The following IQCH variants were observed in gnomAD, a reference collection of about 807,000 sequenced individuals.
IQCH encodes the protein IQ motif containing H, also known as IQ domain-containing protein H.
In IQCH, 98 loss-of-function variants were observed where a neutral mutation model predicts 117.0. The ratio of observed to expected loss-of-function variants is 0.84; its 90% CI spans 0.71 to 0.99. The LOEUF (loss-of-function observed/expected upper bound fraction) is 0.99. Among genes scored for constraint, IQCH ranks in the 50% least tolerant of loss-of-function variants. The probability of loss-of-function intolerance (pLI) is 0.00; values close to 1 mark genes in which losing one functional copy is unlikely to be tolerated. For missense variants in IQCH, 1,102 were observed against 1,243.8 expected, an observed-to-expected ratio of 0.89 and a Z score of 1.72; for synonymous variants, 412 against 448.2, an observed-to-expected ratio of 0.92 and a Z score of 1.02.
chr15:67,359,933 G>A lies in IQCH; in HGVS notation c.753+48G>A, dbSNP rs747330091. ...TGAAATTTAGGGTCTGTCACCTGAT[G>A]TCCCTTCCTTTTGCTGCAGGGCAAG... On this transcript the variant is annotated intron_variant, in intron 8 of 20. Transcript: ENST00000335894. This position sits in a 1 kb window ranked among gnomAD's most constrained non-coding sequence, Gnocchi z 4.5. The A allele has an allele frequency of 1.4e-6, 2 of 1,478,454 alleles. No individual in the cohort carries two copies. The highest frequency in any genetic ancestry group is 1.9e-6 in the Non-Finnish European group (2 of 1,056,996). 91.6% of individuals were successfully genotyped at this position (1,478,454 alleles called of 1,614,324 possible). A position where few individuals can be genotyped will look rare whatever the true frequency, so the allele number is the denominator to read the frequency against.
chr15:67,268,978 T>C (rs1373590331), intron 3 of IQCH, among the ~76,000 whole-genome samples: 1 of 150,246 alleles, frequency 6.7e-6, no homozygotes, highest in African/African-American at 2.5e-5. Context: ...GCAACAGATA[T>C]GACACAAAAA....
chr15:67,478,316 C>CAG (rs750107700), intron 18 of IQCH, among the ~76,000 whole-genome samples: 1 of 151,946 alleles, frequency 6.6e-6, no homozygotes. Context: ...ACCTAGGAGG[C>CAG]AGAGGTTGCA....
At chr15:67,283,059 A>G (rs1966426830) in intron 4 of IQCH, among the ~76,000 whole-genome samples, 1 of 152,202 alleles carries the variant, frequency 6.6e-6, no homozygotes, top group African/African-American at 2.4e-5. Flanking sequence ...AATTTTCAGA[A>G]TTTGCTGATA....
intron 16 of IQCH, among the ~76,000 whole-genome samples, chr15:67,449,540 T>A (rs1195351970): frequency 1.3e-5 from 2 of 152,206 alleles, no homozygotes; most frequent in African/African-American, 4.8e-5. Context: ...GTTGTAGATA[T>A]GCGGCATTAT....
At chr15:67,258,529 C>G (rs1181453620) in intron 1 of IQCH, among the ~76,000 whole-genome samples, 2 of 13,864 alleles carry the variant, frequency 1.4e-4, no homozygotes, top group African/African-American at 4.9e-4. Context: ...GAGACTTCAT[C>G]TCAAAAAAAA....
chr15:67,348,483 A>G (rs1041245309), intron 6 of IQCH, among the ~76,000 whole-genome samples: 4 of 152,188 alleles, frequency 2.6e-5, no homozygotes, highest in African/African-American at 7.2e-5. Flanking sequence ...TTAGAAATGA[A>G]CAATTGGAAA....
chr15:67,353,355 T>C (rs1473710472), intron 6 of IQCH, among the ~76,000 whole-genome samples: 3 of 69,952 alleles, frequency 4.3e-5, no homozygotes, highest in Non-Finnish European at 1.2e-4. Context: ...TTATTTTATA[T>C]TTATTTATTT....
chr15:67,489,942 T>C (rs2083602226), intron 18 of IQCH, 61 bp from the exon 19 acceptor site: 6 of 1,164,794 alleles, frequency 5.2e-6, no homozygotes, highest in Non-Finnish European at 7.8e-6. Flanking sequence ...CCAGTAACAT[T>C]TTCTGTACTT....
chr15:67,427,403 A>G lies in IQCH; in HGVS notation c.2505+5826A>G, dbSNP rs770380196. Among the ~76,000 whole-genome samples, 1 of 151,880 alleles carries G rather than the reference A, an allele frequency of 6.6e-6. No individual in the cohort carries two copies. Among genetic ancestry groups the G allele is most frequent in the Admixed American group, 6.6e-5 (1 of 15,232 alleles). ...TTTTTCTTTTCTTTTTTTTGTAGAG[A>G]TAGGGTCTCACTATGTTGCCCAGGC... is the stretch of plus-strand genomic sequence containing the variant. On this transcript the variant is annotated intron_variant, in intron 16 of 20. Coordinates refer to ENST00000335894, the MANE Select transcript of IQCH (RefSeq NM_001031715.3). The surrounding 1 kb of genome is among the most constrained non-coding windows in gnomAD (Gnocchi z 4.7).
chr15:67,395,651 C>G lies in IQCH; in HGVS notation c.1905+88C>G. On this transcript the variant is annotated intron_variant, in intron 13 of 20. Transcript: ENST00000335894. The surrounding 1 kb of genome is among the most constrained non-coding windows in gnomAD (Gnocchi z 4.0). ...AATTTCCAAGTCTTCTGGAGCCAGA[C>G]CTACCCAATGAAGAATAGGTGGAAT... 1 of 1,186,246 alleles carries G rather than the reference C, an allele frequency of 8.4e-7. No individual in the cohort carries two copies. The highest frequency in any genetic ancestry group is 2.4e-5 in the East Asian group (1 of 42,372). 73.5% of individuals were successfully genotyped at this position (1,186,246 alleles called of 1,614,324 possible).
rs1596290024 is a variant in IQCH, at chr15:67,381,091, G to A, written c.1373-3845G>A. On this transcript the variant is annotated intron_variant, in intron 10 of 20. Transcript: ENST00000335894. The surrounding 1 kb of genome is among the most constrained non-coding windows in gnomAD (Gnocchi z 5.1). ...CACAGAGACATGCACCAGTGCCAAG[G>A]GGGCTCAGTCACTCAGTGTGGCCTT... Among the ~76,000 whole-genome samples the A allele has an allele frequency of 6.6e-6, 1 of 152,218 alleles. No individual in the cohort carries two copies. The highest frequency in any genetic ancestry group is 1.5e-5 in the Non-Finnish European group (1 of 68,048).
intron 6 of IQCH, among the ~76,000 whole-genome samples, chr15:67,355,101 C>T (rs939454221): frequency 6.6e-6 from 1 of 152,122 alleles, no homozygotes. Context: ...TGATGTTATG[C>T]TTATTCTAAT....
In IQCH at chr15:67,421,534, T is replaced by C. The variant is rs1357228457; in HGVS notation, c.2462T>C (p.Ile821Thr). ...RMRDVVGYFS[I>T]DLVTFIDPST... ...AGAGATGTGGTTGGTTACTTTTCGA[T>C]AGATCTGGTGACTTTTATAGATCCA... Residue 821 changes from isoleucine to threonine, a missense_variant, in exon 16 of 21, where the codon ATA (isoleucine) becomes ACA (threonine). Ile to Thr is a moderately conservative substitution (Grantham distance 89). Around this residue, in one of 2 missense-constraint regions of IQCH, gnomAD observed 650 missense variants for 794.3 expected, o/e 0.82. Coordinates refer to ENST00000335894, the MANE Select transcript of IQCH (RefSeq NM_001031715.3). The C allele has an allele frequency of 6.2e-7, 1 of 1,614,222 alleles. No homozygotes were observed. The highest frequency in any genetic ancestry group is 8.5e-7 in the Non-Finnish European group (1 of 1,180,022).
intron 16 of IQCH, among the ~76,000 whole-genome samples, chr15:67,435,391 C>G (rs943954339): frequency 6.6e-6 from 1 of 151,992 alleles, no homozygotes; most frequent in African/African-American, 2.4e-5. Flanking sequence ...TTGAGACCAG[C>G]CTGGCCAACA....
chr15:67,313,685 G>C (rs1322808961), intron 4 of IQCH, among the ~76,000 whole-genome samples: 1 of 152,158 alleles, frequency 6.6e-6, no homozygotes, highest in African/African-American at 2.4e-5. Context: ...GGCTGTGGAG[G>C]CCAGTTGATG....
chr15:67,270,679 C>T (rs1965861272), intron 3 of IQCH, among the ~76,000 whole-genome samples: 1 of 152,160 alleles, frequency 6.6e-6, no homozygotes, highest in Non-Finnish European at 1.5e-5. Context: ...CCTGGCTCCC[C>T]TTACCTTCTA....
In IQCH at chr15:67,482,679, G is replaced by T. The variant is rs561543596; in HGVS notation, c.2799+6861G>T. Among the ~76,000 whole-genome samples, 8 of 152,274 alleles carry T rather than the reference G, an allele frequency of 5.3e-5. No homozygotes were observed. In the South Asian group the frequency reaches 1.7e-3, roughly 32 times the overall value. ...TGCTTTCTAATAACTAGCTTGAAAA[G>T]AATTTTACACAGAAGTAAAATTTTA... On this transcript the variant is annotated intron_variant, in intron 18 of 20. Transcript: ENST00000335894.
chr15:67,424,889 C>T lies in IQCH; in HGVS notation c.2505+3312C>T, dbSNP rs984291035. 1.3e-5 allele frequency among the ~76,000 whole-genome samples: 2 copies of T among 152,206 alleles called. No homozygotes were observed. The highest frequency in any genetic ancestry group is 4.8e-5 in the African/African-American group (2 of 41,460). ...TGTATATAATAAATTATTTACAAAT[C>T]ACTGGCATATTTTCTAGCCATTTTG... On this transcript the variant is annotated intron_variant, in intron 16 of 20. Coordinates refer to ENST00000335894, the MANE Select transcript of IQCH (RefSeq NM_001031715.3). This position sits in a 1 kb window ranked among gnomAD's most constrained non-coding sequence, Gnocchi z 4.9.
intron 16 of IQCH, among the ~76,000 whole-genome samples, chr15:67,435,208 C>G (rs1423671277): frequency 6.6e-6 from 1 of 151,800 alleles, no homozygotes; most frequent in Non-Finnish European, 1.5e-5. Context: ...TGATATCTCA[C>G]TGTGGGTTTG....
Sources: allele counts gnomAD v4.1 joint callset (sites outside exome capture counted in the v4.1 genomes callset), GRCh38; gene constraint gnomAD v4.1.1; regional missense constraint gnomAD v4.1.1; non-coding constraint Gnocchi (gnomAD v3.1); transcripts MANE v1.5; gene names NCBI Gene and HGNC (gene_info 2026-07-23, HGNC 2026-07-21).